WDR7: variants seen among roughly 807,000 people sequenced by gnomAD.
WDR7 encodes the protein WD repeat domain 7.
Under a neutral mutation model 169.4 loss-of-function variants are expected in WDR7, and 46 were observed. The observed-to-expected ratio is 0.27, with a 90% CI of 0.21 to 0.35. WDR7 has a LOEUF of 0.35. Among genes scored for constraint, WDR7 ranks in the 10% least tolerant of loss-of-function variants. WDR7 has a pLI of 1.00. For missense variants in WDR7, 1,534 were observed against 1,859.3 expected, an observed-to-expected ratio of 0.83 and a Z score of 3.22; for synonymous variants, 612 against 666.8, an observed-to-expected ratio of 0.92 and a Z score of 1.27.
At chr18:56,878,448 G>A (rs943972767) in intron 20 of WDR7, among the ~76,000 whole-genome samples, 1 of 151,806 alleles carries the variant, frequency 6.6e-6, no homozygotes, top group African/African-American at 2.4e-5. Context: ...AACCTGAGCT[G>A]TTTATTTTCA....
At chr18:56,793,642 C>A (rs1046904133) in intron 19 of WDR7, among the ~76,000 whole-genome samples, 34 of 152,258 alleles carry the variant, frequency 2.2e-4, no homozygotes, top group Admixed American at 2.2e-3. Context: ...CTTGCTTTTT[C>A]TTTTTATCAT....
At chr18:57,011,848 T>C (rs765210714) in intron 26 of WDR7, among the ~76,000 whole-genome samples, 2 of 152,218 alleles carry the variant, frequency 1.3e-5, no homozygotes, top group Non-Finnish European at 2.9e-5. Context: ...GTACTTCCAT[T>C]TTGGTCGATA....
chr18:56,893,101 C>G (rs2046286140), intron 21 of WDR7, among the ~76,000 whole-genome samples: 1 of 151,890 alleles, frequency 6.6e-6, no homozygotes, highest in Non-Finnish European at 1.5e-5. Flanking sequence ...TACTTTGATT[C>G]AATTTTTCAT....
chr18:56,669,912 A>G (rs763095289), intron 1 of WDR7, among the ~76,000 whole-genome samples: 17 of 152,198 alleles, frequency 1.1e-4, no homozygotes, highest in Non-Finnish European at 2.2e-4. Flanking sequence ...ATTAACTAAT[A>G]CATAGACTGG....
rs1467675837 is a variant in WDR7, at chr18:56,776,855, A to T, written c.2922A>T (p.Leu974Phe). Residue 974 changes from leucine (L) to phenylalanine (F), a missense_variant, in exon 17 of 28, where the codon TTA becomes TTT. Transcript: ENST00000254442. ...SGSDPPSAPA[L>F]HTCFLVNEGW... ...CTGACCCTCCTTCTGCTCCTGCTTT[A>T]CATACCTGTTTCTTAGTAAATGAAG... The T allele has an allele frequency of 6.2e-7, 1 of 1,613,870 alleles. No homozygotes were observed. Among genetic ancestry groups the T allele is most frequent in the South Asian group, 1.1e-5 (1 of 91,078 alleles).
In WDR7 at chr18:56,779,569, G is replaced by A. The variant is rs2044288585; in HGVS notation, c.3066+20G>A. On this transcript the variant is annotated intron_variant, in intron 18 of 27. Coordinates refer to ENST00000254442, the MANE Select transcript of WDR7 (RefSeq NM_015285.3). ...TTGGAGGTAATGCTAAAGTGATAAG[G>A]ATAGAAAACAAAAATATTAAAAAGG... 1 of 1,580,482 alleles carries A rather than the reference G, an allele frequency of 6.3e-7. No homozygotes were observed. The highest frequency in any genetic ancestry group is 1.1e-5 in the South Asian group (1 of 87,380).
intron 26 of WDR7, among the ~76,000 whole-genome samples, chr18:56,978,656 G>A (rs1031082486): frequency 2.0e-5 from 3 of 152,180 alleles, no homozygotes; most frequent in African/African-American, 7.2e-5. Context: ...CTGTCTAGGA[G>A]TTCCTTTTAT....
chr18:56,673,517 A>G (rs534545058), intron 2 of WDR7, among the ~76,000 whole-genome samples: 14 of 152,222 alleles, frequency 9.2e-5, no homozygotes, highest in African/African-American at 2.9e-4. Context: ...CATCACTTCC[A>G]AAACAAACCC....
In WDR7 at chr18:56,681,336, G is replaced by A; in HGVS notation, c.290G>A (p.Ser97Asn). The change falls in exon 4 of 28, where the codon AGT becomes AAT. Residue 97 changes from serine (S) to asparagine (N), a missense_variant. By Grantham distance (46) the Ser-to-Asn change is conservative. Transcript: ENST00000254442. ...AGAGAGATGTGCCTCTGGGATGTGA[G>A]TGATGGCAGATGTATTGAATTTACA... ...ESGEMCLWDV[S>N]DGRCIEFTKL... 6.3e-7 allele frequency: 1 copy of A among 1,595,316 alleles called. No homozygotes were observed. Among genetic ancestry groups the A allele is most frequent in the Non-Finnish European group, 8.5e-7 (1 of 1,174,950 alleles).
intron 26 of WDR7, among the ~76,000 whole-genome samples, chr18:56,969,574 G>A (rs530236994): frequency 6.6e-6 from 1 of 152,308 alleles, no homozygotes; most frequent in South Asian, 2.1e-4. Context: ...GTCTCACCGA[G>A]TAAATACAGT....
intron 26 of WDR7, among the ~76,000 whole-genome samples, chr18:57,009,619 A>G (rs1421143860): frequency 6.6e-6 from 1 of 152,204 alleles, no homozygotes; most frequent in Non-Finnish European, 1.5e-5. Flanking sequence ...CCTAGTGAAT[A>G]TGTTCTATCA....
intron 1 of WDR7, among the ~76,000 whole-genome samples, chr18:56,654,839 T>C (rs2024732676): frequency 6.6e-6 from 1 of 152,202 alleles, no homozygotes; most frequent in African/African-American, 2.4e-5. Flanking sequence ...AGAGTTTAAC[T>C]TTTTATGTGT....
At position 56,915,284 on chromosome 18, in the gene WDR7, A is replaced by C. The variant is rs895388696; in HGVS notation, c.3527-8638A>C. On this transcript the variant is annotated intron_variant, in intron 21 of 27. Coordinates refer to ENST00000254442, the MANE Select transcript of WDR7 (RefSeq NM_015285.3). ...GCAAAGAAATAGAATTCTAGATGGC[A>C]CTGTGCCATCCTTGTTCTTTGATGG... Among the ~76,000 whole-genome samples the C allele has an allele frequency of 2.6e-5, 4 of 152,230 alleles. No individual in the cohort carries two copies. The South Asian group carries it at 6.2e-4, about 24-fold the overall frequency.
chr18:56,889,795 A>G (rs2046241056), intron 21 of WDR7, among the ~76,000 whole-genome samples: 1 of 152,200 alleles, frequency 6.6e-6, no homozygotes, highest in Non-Finnish European at 1.5e-5. Flanking sequence ...GAATACGGAC[A>G]TCTATTGAAG....
At chr18:56,747,898 G>A (rs2043730357) in intron 14 of WDR7, among the ~76,000 whole-genome samples, 1 of 149,300 alleles carries the variant, frequency 6.7e-6, no homozygotes, top group African/African-American at 2.5e-5. Flanking sequence ...GATTAGGGCA[G>A]TTTTTTTTTT....
At chr18:57,025,919 G>A (rs1238533076) in intron 27 of WDR7, among the ~76,000 whole-genome samples, 2 of 152,204 alleles carry the variant, frequency 1.3e-5, no homozygotes, top group African/African-American at 2.4e-5. Flanking sequence ...ATCATAATCT[G>A]CATGCTTCAT....
At chr18:56,826,611 C>T (rs2045208495) in intron 20 of WDR7, among the ~76,000 whole-genome samples, 1 of 152,080 alleles carries the variant, frequency 6.6e-6, no homozygotes, top group Non-Finnish European at 1.5e-5. Flanking sequence ...ATTTTCTCCT[C>T]ACGTGACATA....
chr18:56,945,139 T>C (rs1287110657), intron 25 of WDR7, among the ~76,000 whole-genome samples: 1 of 152,142 alleles, frequency 6.6e-6, no homozygotes, highest in East Asian at 1.9e-4. Flanking sequence ...GATCATCAAA[T>C]GTAAAAATAG....
rs560902582 is a variant in WDR7, at chr18:56,727,381, A to G, written c.1775-4002A>G. On this transcript the variant is annotated intron_variant, in intron 13 of 27. Transcript: ENST00000254442. ...ATCTTTTGAACCTCTGTATTAGTCCATTCTCATGCTACTGTGAATAAATAC... is the reference window on the plus strand; with the variant it reads ...ATCTTTTGAACCTCTGTATTAGTCCGTTCTCATGCTACTGTGAATAAATAC... Among the ~76,000 whole-genome samples the G allele has an allele frequency of 8.6e-4, 131 of 152,040 alleles. 1 individual carries two copies. The highest frequency in any genetic ancestry group is 4.6e-4 in the Non-Finnish European group (31 of 68,004).
Sources: allele counts gnomAD v4.1 joint callset (sites outside exome capture counted in the v4.1 genomes callset), GRCh38; gene constraint gnomAD v4.1.1; transcripts MANE v1.5; gene names NCBI Gene and HGNC (gene_info 2026-07-23, HGNC 2026-07-21).